The following SLC4A4 variants were observed in gnomAD, a reference collection of about 807,000 sequenced individuals.
SLC4A4 encodes the protein solute carrier family 4 member 4.
SLC4A4 carries 27 observed loss-of-function variants against 111.5 expected under a neutral mutation model. That is an observed-to-expected ratio of 0.24 (90% CI 0.18 to 0.33). The LOEUF is 0.33. SLC4A4 is among the 10% of genes least tolerant of loss of function. The probability of loss-of-function intolerance (pLI) is 1.00; values close to 1 mark genes in which losing one functional copy is unlikely to be tolerated. For missense variants in SLC4A4, 909 were observed against 1,315.5 expected (o/e 0.69, Z 4.78); for synonymous variants, 443 against 463.4 (o/e 0.96, Z 0.57).
intron 2 of SLC4A4, among the ~76,000 whole-genome samples, chr4:71,248,344 T>A (rs1720829520): frequency 6.6e-6 from 1 of 151,712 alleles, no homozygotes; most frequent in African/African-American, 2.4e-5. Context: ...TAATTCAGAA[T>A]GTGCATTAAA....
intron 2 of SLC4A4, among the ~76,000 whole-genome samples, chr4:71,151,174 T>C (rs1744303313): frequency 1.3e-5 from 2 of 152,258 alleles, no homozygotes; most frequent in Non-Finnish European, 2.9e-5. Flanking sequence ...CATCACAGAA[T>C]GTTCTGTGCC....
chr4:71,321,246 C>A (rs370559021), intron 3 of SLC4A4, among the ~76,000 whole-genome samples: 1 of 151,914 alleles, frequency 6.6e-6, no homozygotes, highest in East Asian at 1.9e-4. Context: ...TGAACCTCTG[C>A]GTTAAAAGTT....
chr4:71,148,592 T>C (rs1166874439), intron 2 of SLC4A4, among the ~76,000 whole-genome samples: 2 of 152,110 alleles, frequency 1.3e-5, no homozygotes, highest in Non-Finnish European at 2.9e-5. Flanking sequence ...TGCTTCCTTC[T>C]TTGCATTCAT....
At chr4:71,386,583 T>C (rs1049654958) in intron 6 of SLC4A4, among the ~76,000 whole-genome samples, 1 of 151,748 alleles carries the variant, frequency 6.6e-6, no homozygotes, top group Non-Finnish European at 1.5e-5. Context: ...TGAGGTTTTT[T>C]CTTTTCTTTT....
chr4:71,164,273 C>A (rs2148978816), intron 2 of SLC4A4, among the ~76,000 whole-genome samples: 1 of 150,970 alleles, frequency 6.6e-6, no homozygotes, highest in Non-Finnish European at 1.5e-5. Flanking sequence ...CCCAGCTACT[C>A]AAGAGAGTGA....
chr4:71,215,862 A>C (rs1267750233), intron 1 of SLC4A4, among the ~76,000 whole-genome samples: 2 of 152,154 alleles, frequency 1.3e-5, no homozygotes, highest in African/African-American at 2.4e-5. Flanking sequence ...TTACCGAACA[A>C]AATAAATTAT....
At chr4:71,447,498 T>C (rs879736956) in intron 8 of SLC4A4, 148 bp from the exon 9 acceptor site, 23 of 686,936 alleles carry the variant, frequency 3.3e-5, no homozygotes, top group Non-Finnish European at 5.7e-5. Context: ...GAGTATATTC[T>C]GTACTACCAA....
chr4:71,255,260 T>C lies in SLC4A4; in HGVS notation c.114T>C (p.Ser38=), dbSNP rs188304864. 4,051 of 1,613,192 alleles carry C rather than the reference T, an allele frequency of 2.5e-3. 6 individuals carry two copies. The highest frequency in any genetic ancestry group is 3.1e-3 in the Non-Finnish European group (3,649 of 1,179,448). The change falls in exon 3 of 26, where the codon AGT becomes AGC. Residue 38 remains serine (S), a synonymous_variant. Transcript: ENST00000264485. ...ACATCGGAGTCCATGTGCCGAAGAG[T>C]TACAGGAGAAGGAGACGTCACAAGA... ...TIYIGVHVPK[S]YRRRRRHKRK... is the part of the protein sequence containing the mutation.
chr4:71,276,168 A>T (rs1047962179), intron 3 of SLC4A4, among the ~76,000 whole-genome samples: 4 of 152,162 alleles, frequency 2.6e-5, no homozygotes, highest in African/African-American at 7.2e-5. Flanking sequence ...TTTTAAAAAG[A>T]TTATAGATTT....
Position 71,317,978 on chromosome 4 carries a change from C to T in SLC4A4, c.254-21392C>T, listed in dbSNP as rs193217488. Among the ~76,000 whole-genome samples the T allele has an allele frequency of 3.9e-5, 6 of 152,080 alleles. No individual in the cohort carries two copies. The East Asian group carries it at 1.2e-3, about 29-fold the overall frequency. ...TTAAGTAATATTTCTAATCTAGTGT[C>T]CTTACCAAATTGCTTGGCCAGGAAA... On this transcript the variant is annotated intron_variant, in intron 3 of 25. Transcript: ENST00000264485.
At chr4:71,063,028 G>A (rs1445695937) in intron 1 of SLC4A4, among the ~76,000 whole-genome samples, 1 of 151,942 alleles carries the variant, frequency 6.6e-6, no homozygotes, top group Non-Finnish European at 1.5e-5. Context: ...TAAGATCCTT[G>A]GAAAAGAAAG....
chr4:71,437,652 T>G (rs2149051859), intron 7 of SLC4A4: 1 of 500,438 alleles, frequency 2.0e-6, no homozygotes, highest in African/African-American at 1.9e-5. Flanking sequence ...CACCCAAACC[T>G]TTTAATAAGA....
chr4:71,074,122 T>G (rs908844863), intron 1 of SLC4A4, among the ~76,000 whole-genome samples: 27 of 152,162 alleles, frequency 1.8e-4, no homozygotes, highest in African/African-American at 6.5e-4. Flanking sequence ...AGGGATTAAT[T>G]ACCTGAAAAA....
At position 71,339,387 on chromosome 4, in the gene SLC4A4, C is replaced by T. The variant is rs1392645451; in HGVS notation, c.271C>T (p.Arg91Cys). The T allele has an allele frequency of 5.6e-6, 9 of 1,614,042 alleles. No individual in the cohort carries two copies. Among genetic ancestry groups the T allele is most frequent in the African/African-American group, 1.3e-5 (1 of 74,926 alleles). ...LKPLISPAAE[R>C]IRFILGEEDD... ...TTCTGCAGTCTCTCCTGCTGCAGAACGCATCCGATTCATCTTGGGAGAGGA... is the reference window on the plus strand; with the variant it reads ...TTCTGCAGTCTCTCCTGCTGCAGAATGCATCCGATTCATCTTGGGAGAGGA... The change falls in exon 4 of 26, where the codon CGC (arginine) becomes TGC (cysteine). Residue 91 changes from arginine (R) to cysteine (C), a missense_variant. Arg to Cys is a radical substitution (Grantham distance 180). Transcript: ENST00000264485.
At chr4:71,112,745 C>A (rs1458358908) in intron 2 of SLC4A4, among the ~76,000 whole-genome samples, 1 of 152,104 alleles carries the variant, frequency 6.6e-6, no homozygotes, top group Non-Finnish European at 1.5e-5. Context: ...ACCTGGGAAT[C>A]TCTCTTTTTA....
intron 3 of SLC4A4, among the ~76,000 whole-genome samples, chr4:71,338,698 GA>G (rs1296704335): frequency 6.6e-6 from 1 of 150,684 alleles, no homozygotes; most frequent in African/African-American, 2.4e-5. Context: ...GAGTGTGTTG[GA>G]AAATGTTTTT....
chr4:71,298,229 A>G (rs1724963568), intron 3 of SLC4A4, among the ~76,000 whole-genome samples: 1 of 152,228 alleles, frequency 6.6e-6, no homozygotes, highest in Non-Finnish European at 1.5e-5. Context: ...TCCAGAGAAG[A>G]CATATGAACT....
intron 2 of SLC4A4, among the ~76,000 whole-genome samples, chr4:71,140,651 T>A (rs2148966087): frequency 6.6e-6 from 1 of 152,320 alleles, no homozygotes; most frequent in African/African-American, 2.4e-5. Flanking sequence ...CCATTTACAC[T>A]GCATTAAGTT....
chr4:71,268,080 T>TTTTG (rs1722428421), intron 3 of SLC4A4, among the ~76,000 whole-genome samples: 1 of 146,174 alleles, frequency 6.8e-6, no homozygotes, highest in Admixed American at 6.9e-5. Flanking sequence ...GTAGTGTTTT[T>TTTTG]TTTTTTTTTT....
Sources: allele counts gnomAD v4.1 joint callset (sites outside exome capture counted in the v4.1 genomes callset), GRCh38; gene constraint gnomAD v4.1.1; transcripts MANE v1.5; gene names NCBI Gene and HGNC (gene_info 2026-07-23, HGNC 2026-07-21).